IPP: variants seen among roughly 807,000 people sequenced by gnomAD.
The protein encoded by IPP is intracisternal A particle-promoted polypeptide, also known as actin-binding protein IPP.
A neutral mutation model predicts 64.1 loss-of-function variants in IPP; 41 were observed. The ratio of observed to expected loss-of-function variants is 0.64; its 90% CI spans 0.50 to 0.83. The LOEUF is 0.83. IPP is among the 40% of genes least tolerant of loss of function. The pLI is 0.00. For missense variants in IPP, 649 were observed against 703.0 expected (o/e 0.92, Z 0.87); for synonymous variants, 214 against 235.2 (o/e 0.91, Z 0.83).
chr1:45,718,871 G>C (rs1329313992), intron 6 of IPP, among the ~76,000 whole-genome samples: 1 of 151,220 alleles, frequency 6.6e-6, no homozygotes, highest in African/African-American at 2.4e-5. Context: ...GTGGGGGTGG[G>C]GAGGGAGGAG....
intron 5 of IPP, among the ~76,000 whole-genome samples, chr1:45,720,967 A>G (rs1645723209): frequency 6.6e-6 from 1 of 152,162 alleles, no homozygotes; most frequent in Non-Finnish European, 1.5e-5. Context: ...CATTAACAAT[A>G]AAGGGAAAAA....
At chr1:45,711,281 T>C (rs919977859) in intron 8 of IPP, among the ~76,000 whole-genome samples, 1 of 151,504 alleles carries the variant, frequency 6.6e-6, no homozygotes, top group Non-Finnish European at 1.5e-5. Flanking sequence ...GCGGAGGTTG[T>C]AGTGAGCCAA....
At position 45,740,905 on chromosome 1, in the gene IPP, T is replaced by TA; in HGVS notation, c.719dup (p.Glu241ArgfsTer7). 1 of 1,576,132 alleles carries TA rather than the reference T, an allele frequency of 6.3e-7. No individual in the cohort carries two copies. Among genetic ancestry groups the TA allele is most frequent in the Non-Finnish European group, 8.6e-7 (1 of 1,162,304 alleles). ...GATATATAGCAAAAAAGTTACCTTC[T>TA]ATATACTTTAAAAGTCTCTGAGGAG... On this transcript the variant is annotated frameshift_variant, in exon 3 of 9. Coordinates refer to ENST00000396478, the MANE Select transcript of IPP (RefSeq NM_005897.3). LOFTEE classifies it high-confidence loss of function.
chr1:45,748,784 C>T (rs887078413), intron 1 of IPP, among the ~76,000 whole-genome samples: 3 of 152,026 alleles, frequency 2.0e-5, no homozygotes, highest in Non-Finnish European at 4.4e-5. Context: ...CCAGCCTGGC[C>T]AACATGGTGA....
intron 5 of IPP, 38 bp from the exon 6 acceptor site, chr1:45,719,378 G>A (rs1309730853): frequency 7.1e-7 from 1 of 1,405,642 alleles, no homozygotes; most frequent in Admixed American, 2.1e-5. Flanking sequence ...ATAAAGTTTA[G>A]TAATGCCAAC....
intron 8 of IPP, among the ~76,000 whole-genome samples, chr1:45,706,152 C>T (rs1645509916): frequency 6.6e-6 from 1 of 152,066 alleles, no homozygotes; most frequent in Admixed American, 6.6e-5. Flanking sequence ...TCACACAAGG[C>T]TATGAGATAT....
At chr1:45,726,319 G>A (rs1454924630) in intron 5 of IPP, among the ~76,000 whole-genome samples, 7 of 151,890 alleles carry the variant, frequency 4.6e-5, no homozygotes, top group East Asian at 1.9e-4. Context: ...TTAGCCGGGC[G>A]TGGTGGTACA....
In IPP at chr1:45,699,754, C is replaced by A; in HGVS notation, c.*212G>T. ...CGTAGCTTACTACAACCTCAAATTC[C>A]TGGGCTCAAGTGATCCTTCTGCCTC... On this transcript the variant is annotated 3_prime_UTR_variant, in exon 9 of 9. Transcript: ENST00000396478. 7.6e-7 allele frequency: 1 copy of A among 1,316,000 alleles called. No homozygotes were observed. Among genetic ancestry groups the A allele is most frequent in the Non-Finnish European group, 9.9e-7 (1 of 1,010,724 alleles). 81.5% of individuals were successfully genotyped at this position (1,316,000 alleles called of 1,614,324 possible).
intron 8 of IPP, among the ~76,000 whole-genome samples, chr1:45,712,298 T>TA (rs71058702): frequency 0.72 from 94,319 of 131,144 alleles, 33,186 homozygotes; most frequent in African/African-American, 0.76. Context: ...AGACGACGTC[T>TA]AAAAAAAAAA....
At chr1:45,739,409 C>CTTT (rs531027721) in intron 3 of IPP, among the ~76,000 whole-genome samples, 9 of 90,578 alleles carry the variant, frequency 9.9e-5, no homozygotes, top group East Asian at 3.1e-4. Flanking sequence ...AATTTTTTGC[C>CTTT]TTTTTTTTTT....
downstream of IPP, chr1:45,696,703 C>G (rs1645390882): frequency 6.6e-6 from 1 of 152,224 alleles, no homozygotes; most frequent in African/African-American, 2.4e-5. Context: ...TCGCTTGAAC[C>G]CGGGCGGCAA....
intron 3 of IPP, among the ~76,000 whole-genome samples, chr1:45,737,457 CT>C (rs778748035): frequency 0.019 from 2,300 of 121,250 alleles, 10 homozygotes; most frequent in African/African-American, 0.026. Flanking sequence ...ATAAACAATT[CT>C]TTTTTTTTTT....
chr1:45,739,443 C>G (rs1646030841), intron 3 of IPP, among the ~76,000 whole-genome samples: 1 of 94,508 alleles, frequency 1.1e-5, no homozygotes, highest in Middle Eastern at 0.012. Context: ...TTTGTAGAGA[C>G]AGGGTTTCAC....
chr1:45,722,531 C>T (rs1028467741), intron 5 of IPP, among the ~76,000 whole-genome samples: 2 of 150,758 alleles, frequency 1.3e-5, no homozygotes, highest in African/African-American at 4.9e-5. Flanking sequence ...GGCAACAGAG[C>T]GAGACTCCAT....
At chr1:45,732,489 T>C (rs1276763281) in intron 3 of IPP, among the ~76,000 whole-genome samples, 2 of 150,930 alleles carry the variant, frequency 1.3e-5, no homozygotes, top group Non-Finnish European at 2.9e-5. Flanking sequence ...AGTTAATAAA[T>C]TAGAAACAAT....
intron 5 of IPP, among the ~76,000 whole-genome samples, chr1:45,724,738 C>T: frequency 6.6e-6 from 1 of 151,260 alleles, no homozygotes; most frequent in Non-Finnish European, 1.5e-5. Flanking sequence ...AAACCCTCTG[C>T]CTGGCAACCG....
chr1:45,724,190 GC>G (rs1222311427), intron 5 of IPP, among the ~76,000 whole-genome samples: 1 of 152,138 alleles, frequency 6.6e-6, no homozygotes, highest in African/African-American at 2.4e-5. Context: ...TGCTGTGTTG[GC>G]CGGGCTGGTC....
intron 3 of IPP, among the ~76,000 whole-genome samples, chr1:45,730,111 G>A (rs534016050): frequency 1.3e-5 from 2 of 152,194 alleles, no homozygotes; most frequent in South Asian, 4.1e-4. Context: ...ACTTTGGGGG[G>A]CCAAGTCAGG....
At chr1:45,720,295 A>G (rs1227434819) in intron 5 of IPP, among the ~76,000 whole-genome samples, 4 of 152,298 alleles carry the variant, frequency 2.6e-5, no homozygotes, top group Non-Finnish European at 1.5e-5. Context: ...AAGATTATGC[A>G]ATGCCCCTAT....
Sources: allele counts gnomAD v4.1 joint callset (sites outside exome capture counted in the v4.1 genomes callset), GRCh38; gene constraint gnomAD v4.1.1; transcripts MANE v1.5; gene names NCBI Gene and HGNC (gene_info 2026-07-23, HGNC 2026-07-21).